The following NDUFA10 variants were observed in gnomAD, a reference collection of about 807,000 sequenced individuals.
NDUFA10 encodes the protein NADH dehydrogenase [ubiquinone] 1 alpha subcomplex subunit 10, mitochondrial.
Under a neutral mutation model 47.8 loss-of-function variants are expected in NDUFA10, and 40 were observed. The ratio of observed to expected loss-of-function variants is 0.84; its 90% CI spans 0.65 to 1.09. The LOEUF (loss-of-function observed/expected upper bound fraction) is 1.09, where lower values mean the gene tolerates loss of function less well. NDUFA10 is among the 50% of genes least tolerant of loss of function. The pLI is 0.00. For synonymous variants in NDUFA10, 183 were observed against 172.2 expected (o/e 1.06, Z -0.49); for missense variants, 413 against 451.1 (o/e 0.92, Z 0.76).
intron 4 of NDUFA10, among the ~76,000 whole-genome samples, chr2:239,911,683 G>GTGTGTGTGTGTA (rs1693758513): frequency 1.3e-5 from 2 of 151,270 alleles, no homozygotes; most frequent in South Asian, 4.2e-4. Context: ...GTGTGTGCGT[G>GTGTGTGTGTGTA]TGTGTGTGTG....
chr2:240,021,276 GTTGCCATCA>G lies in NDUFA10; in HGVS notation c.372_380del (p.Asp125_Asn127del). On this transcript the variant is annotated inframe_deletion, in exon 3 of 10. Coordinates refer to ENST00000252711, the MANE Select transcript of NDUFA10 (RefSeq NM_004544.4). ...ACAACCAGGACTGCAGGCGGTAACT[GTTGCCATCA>G]TTGCTTCTCGGATCATCGTAAAATT... is the stretch of plus-strand genomic sequence containing the variant. The G allele has an allele frequency of 1.9e-6, 3 of 1,614,212 alleles. No individual in the cohort carries two copies. Among genetic ancestry groups the G allele is most frequent in the Non-Finnish European group, 2.5e-6 (3 of 1,180,038 alleles).
Position 239,940,075 on chromosome 2 carries a change from C to T in NDUFA10, c.295-44761G>A, listed in dbSNP as rs539189154. Reference sequence around the variant, plus strand: ...GAGGAACCCAGGCGGCTGAAAGCTCCACCATCCACAACAGGGGTTGGCAAA... The same window carrying T: ...GAGGAACCCAGGCGGCTGAAAGCTCTACCATCCACAACAGGGGTTGGCAAA... On this transcript the variant is annotated intron_variant, in intron 4 of 5. Transcript: ENST00000419408. Among the ~76,000 whole-genome samples the T allele has an allele frequency of 7.2e-5, 11 of 152,340 alleles. No homozygotes were observed. In the East Asian group the frequency reaches 1.7e-3, roughly 24 times the overall value.
intron 4 of NDUFA10, among the ~76,000 whole-genome samples, chr2:239,949,675 G>A (rs1484493742): frequency 6.6e-6 from 1 of 151,990 alleles, no homozygotes; most frequent in Non-Finnish European, 1.5e-5. Flanking sequence ...AAGAGACAAG[G>A]CCTCATCTAT....
At chr2:240,024,642 T>TA (rs1316405244) in intron 1 of NDUFA10, among the ~76,000 whole-genome samples, 7 of 152,206 alleles carry the variant, frequency 4.6e-5, no homozygotes, top group African/African-American at 1.4e-4. Context: ...ATGCACATTT[T>TA]AAAAAACGCA....
chr2:239,966,313 G>C (rs1228562296), intron 9 of NDUFA10, among the ~76,000 whole-genome samples: 1 of 152,232 alleles, frequency 6.6e-6, no homozygotes, highest in Non-Finnish European at 1.5e-5. Flanking sequence ...GCCCCCGATG[G>C]AGCCCAGACA....
At chr2:240,019,818 C>CAAAAAAAAAA (rs60278142) in intron 3 of NDUFA10, among the ~76,000 whole-genome samples, 6 of 12,208 alleles carry the variant, frequency 4.9e-4, no homozygotes, top group African/African-American at 6.8e-4. Context: ...GACTCCGTCT[C>CAAAAAAAAAA]AAAAAAAAAA....
In NDUFA10 at chr2:240,022,176, T is replaced by G; in HGVS notation, c.240A>C (p.Lys80Asn). The G allele has an allele frequency of 1.2e-6, 2 of 1,609,132 alleles. No homozygotes were observed. The highest frequency in any genetic ancestry group is 1.7e-6 in the Non-Finnish European group (2 of 1,175,478). Residue 80 changes from lysine (K) to asparagine (N), a missense_variant, in exon 2 of 10, where the codon AAA becomes AAC. Physicochemically the swap from Lys to Asn is moderately conservative, Grantham distance 94. Coordinates refer to ENST00000252711, the MANE Select transcript of NDUFA10 (RefSeq NM_004544.4). Reference protein sequence around the residue: ...KGKLAKEIAEKLGFKHFPEAG... With the variant: ...KGKLAKEIAENLGFKHFPEAG... Reference sequence around the variant, plus strand: ...CTGTGTAACATAAAATCATACCTAGTTTCTCTGCTATTTCTTTTGCAAGTT... The same window carrying G: ...CTGTGTAACATAAAATCATACCTAGGTTCTCTGCTATTTCTTTTGCAAGTT...
intron 9 of NDUFA10, among the ~76,000 whole-genome samples, chr2:239,986,422 G>T (rs1383712554): frequency 1.3e-5 from 2 of 152,168 alleles, no homozygotes; most frequent in Non-Finnish European, 2.9e-5. Flanking sequence ...GATGACAGGG[G>T]CTGGCTTTCT....
chr2:239,940,391 C>T (rs767576740), intron 4 of NDUFA10, among the ~76,000 whole-genome samples: 13 of 152,208 alleles, frequency 8.5e-5, no homozygotes, highest in Admixed American at 7.2e-4. Context: ...GACACTGTCA[C>T]GGCTATTCCC....
rs143401038 is a variant in NDUFA10, at chr2:239,965,869, C to T, written c.1000-4683G>A. 1.9e-3 allele frequency among the ~76,000 whole-genome samples: 296 copies of T among 152,332 alleles called. 1 individual carries two copies. Among genetic ancestry groups the T allele is most frequent in the African/African-American group, 6.5e-3 (271 of 41,576 alleles). ...CTGCAATCCCCTCTACTGTACAATG[C>T]GAACGGAGTTTCCCTCGCTGGATCT... is the stretch of plus-strand genomic sequence containing the variant. On this transcript the variant is annotated intron_variant, in intron 9 of 9. Transcript: ENST00000252711.
intron 1 of NDUFA10, 97 bp downstream of exon 1, chr2:240,025,130 C>A: frequency 5.9e-6 from 7 of 1,194,268 alleles, no homozygotes; most frequent in South Asian, 1.8e-5. Flanking sequence ...GACCTGGGAG[C>A]CGCCGCCAGA....
rs1194373919 is a variant in NDUFA10 at position 239,899,418 on chromosome 2, G to A, written c.295-4104C>T. Among the ~76,000 whole-genome samples, 12 of 141,118 alleles carry A rather than the reference G, an allele frequency of 8.5e-5. 1 individual carries two copies. Among genetic ancestry groups the A allele is most frequent in the Admixed American group, 8.3e-4 (12 of 14,384 alleles). 92.6% of individuals were successfully genotyped at this position (141,118 alleles called of 152,430 possible). A position where few individuals can be genotyped will look rare whatever the true frequency, so the allele number is the denominator to read the frequency against. On this transcript the variant is annotated intron_variant, in intron 4 of 5. Transcript: ENST00000419408. Reference sequence around the variant, plus strand: ...GAGAGGTATGATGCAGAGGTGTGATGGAGGGGTGTGATGGAGGAATGTGGA... The same window carrying A: ...GAGAGGTATGATGCAGAGGTGTGATAGAGGGGTGTGATGGAGGAATGTGGA...
rs186258457 is a variant in NDUFA10 at position 239,896,334 on chromosome 2, T to A, written c.295-1020A>T. ...GATTCAGGGCAGACCTGGCCGAGCA[T>A]TAAGCCCAGCACAGAGCCCTTCTTA... On this transcript the variant is annotated intron_variant, in intron 4 of 5. Coordinates refer to the NDUFA10 transcript ENST00000419408. 3.4e-3 allele frequency among the ~76,000 whole-genome samples: 515 copies of A among 152,332 alleles called. 3 individuals are homozygous for A. Among genetic ancestry groups the A allele is most frequent in the South Asian group, 0.021 (100 of 4,828 alleles).
At chr2:239,965,455 G>A (rs935734901) in intron 9 of NDUFA10, among the ~76,000 whole-genome samples, 9 of 152,272 alleles carry the variant, frequency 5.9e-5, no homozygotes, top group East Asian at 5.8e-4. Context: ...ATGAGAAAAC[G>A]CGCATGATAA....
In NDUFA10 at chr2:239,959,188, G is replaced by A; in HGVS notation, c.*1930C>T. On this transcript the variant is annotated 3_prime_UTR_variant, in exon 10 of 10. Coordinates refer to ENST00000252711, the MANE Select transcript of NDUFA10 (RefSeq NM_004544.4). ...CCATCAAGGGAATGCAACCACACAG[G>A]GTCAGACGCAAACACAGGGGATGAT... 1 of 982,312 alleles carries A rather than the reference G, an allele frequency of 1.0e-6. No homozygotes were observed. The highest frequency in any genetic ancestry group is 1.2e-6 in the Non-Finnish European group (1 of 828,272). The allele number at this position is 982,312 out of a possible 1,614,324, so 60.8% of individuals were successfully genotyped here.
intron 4 of NDUFA10, among the ~76,000 whole-genome samples, chr2:239,920,161 G>A (rs1449083395): frequency 6.6e-6 from 1 of 152,242 alleles, no homozygotes; most frequent in Non-Finnish European, 1.5e-5. Flanking sequence ...ATGGGACTGG[G>A]ACAGCAGAAT....
At chr2:239,954,405 G>A (rs531056559), downstream of NDUFA10, among the ~76,000 whole-genome samples, 6 of 152,380 alleles carry the variant, frequency 3.9e-5, no homozygotes, top group Middle Eastern at 0.017. Flanking sequence ...CGGCTGGGCA[G>A]AGTGCCAGCC....
rs115443097 is a variant in NDUFA10 at position 239,918,176 on chromosome 2, T to C, written c.295-22862A>G. On this transcript the variant is annotated intron_variant, in intron 4 of 5. Coordinates refer to the NDUFA10 transcript ENST00000419408. ...GAGGGACCCTCTGCATCAAGGAGGG[T>C]GCCACAGATGGACCATGCATGCTCT... Among the ~76,000 whole-genome samples the C allele has an allele frequency of 9.2e-3, 1,398 of 152,080 alleles. 28 individuals carry two copies. Among genetic ancestry groups the C allele is most frequent in the African/African-American group, 0.032 (1,320 of 41,478 alleles).
chr2:239,899,018 AGTCATGGAGGGGTGTAAAGGAGG>A (rs1559259519), intron 4 of NDUFA10, among the ~76,000 whole-genome samples: 8 of 53,296 alleles, frequency 1.5e-4, no homozygotes, highest in Non-Finnish European at 1.5e-4. Context: ...GATGGAGGGG[AGTCATGGAGGGGTGTAAAGGAGG>A]GGTGTGATGG....
Sources: allele counts gnomAD v4.1 joint callset (sites outside exome capture counted in the v4.1 genomes callset), GRCh38; gene constraint gnomAD v4.1.1; transcripts MANE v1.5; gene names NCBI Gene and HGNC (gene_info 2026-07-23, HGNC 2026-07-21).